PMFBP1: variants seen among roughly 807,000 people sequenced by gnomAD.
PMFBP1 encodes polyamine-modulated factor 1-binding protein 1.
A neutral mutation model predicts 137.8 loss-of-function variants in PMFBP1; 131 were observed. The ratio of observed to expected loss-of-function variants is 0.95; its 90% CI spans 0.82 to 1.10. The LOEUF (loss-of-function observed/expected upper bound fraction) is 1.10. Ranked by LOEUF, PMFBP1 falls within the 50% of genes least tolerant of loss-of-function variation. The pLI is 0.00. For synonymous variants in PMFBP1, 490 were observed against 450.4 expected (o/e 1.09, Z -1.11); for missense variants, 1,199 against 1,175.4 (o/e 1.02, Z -0.29).
the PMFBP1 span, among the ~76,000 whole-genome samples, chr16:72,205,660 G>A: frequency 6.6e-6 from 1 of 152,182 alleles, no homozygotes; most frequent in Non-Finnish European, 1.5e-5. Context: ...TGGTCACCTG[G>A]CTGCAGAGTG....
chr16:72,141,441 T>C (rs1459938858), intron 5 of PMFBP1, among the ~76,000 whole-genome samples: 1 of 152,232 alleles, frequency 6.6e-6, no homozygotes, highest in African/African-American at 2.4e-5. Flanking sequence ...GACCGTCACT[T>C]CTAATTTCAT....
chr16:72,119,401 A>G, intron 20 of PMFBP1, 47 bp from the exon 21 acceptor site: 1 of 1,614,136 alleles, frequency 6.2e-7, no homozygotes, highest in East Asian at 2.2e-5. Context: ...AGGAGAAATT[A>G]ACGAGGTGAT....
At chr16:72,169,746 T>C (rs1007246670) in intron 2 of PMFBP1, among the ~76,000 whole-genome samples, 4 of 152,270 alleles carry the variant, frequency 2.6e-5, no homozygotes, top group African/African-American at 9.6e-5. Flanking sequence ...ATCAGCTGTG[T>C]ATTCAAGCAC....
At chr16:72,155,127 C>T (rs566479546) in intron 3 of PMFBP1, among the ~76,000 whole-genome samples, 4 of 152,112 alleles carry the variant, frequency 2.6e-5, no homozygotes, top group African/African-American at 9.7e-5. Context: ...TTCATTCATT[C>T]ATTCACTCAA....
intron 1 of PMFBP1, 112 bp downstream of exon 1, chr16:72,171,942 A>G (rs2043226083): frequency 6.6e-6 from 1 of 152,252 alleles, no homozygotes; most frequent in Non-Finnish European, 1.5e-5. Flanking sequence ...ATGTATGTGC[A>G]TGTAAGTACA....
the PMFBP1 span, among the ~76,000 whole-genome samples, chr16:72,188,786 C>T: frequency 6.6e-6 from 1 of 152,176 alleles, no homozygotes; most frequent in Admixed American, 6.6e-5. Context: ...AAAATACTTC[C>T]CAAGGAAATT....
intron 8 of PMFBP1, 33 bp downstream of exon 8, chr16:72,136,660 G>C: frequency 6.2e-7 from 1 of 1,613,916 alleles, no homozygotes; most frequent in Non-Finnish European, 8.5e-7. Context: ...CTTCCTTCTG[G>C]CTCCCCTGCC....
chr16:72,227,361 A>C, the PMFBP1 span, among the ~76,000 whole-genome samples: 1 of 152,184 alleles, frequency 6.6e-6, no homozygotes, highest in Non-Finnish European at 1.5e-5. Flanking sequence ...TCCTTTTTAT[A>C]ACTTTTTGTT....
upstream of PMFBP1, among the ~76,000 whole-genome samples, chr16:72,175,962 G>A (rs2043258147): frequency 6.6e-6 from 1 of 152,198 alleles, no homozygotes; most frequent in Non-Finnish European, 1.5e-5. Context: ...GCAGAGGCTT[G>A]GCATGCAGAG....
At position 72,140,449 on chromosome 16, in the gene PMFBP1, T is replaced by A. The variant is rs748769314; in HGVS notation, c.770A>T (p.Gln257Leu). ...GCAGGCCAGCTTATTTCGAAGTTCT[T>A]GAATGAGATCATCCTGTTGAGAGAC... Reference protein sequence around the residue: ...QKVSQQDDLIQELRNKLACSN... With the variant: ...QKVSQQDDLILELRNKLACSN... The change falls in exon 6 of 21, where the codon CAA becomes CTA. Residue 257 changes from glutamine to leucine, a missense_variant. Physicochemically the swap from Gln to Leu is moderately radical, Grantham distance 113. Transcript: ENST00000237353. 2.5e-6 allele frequency: 4 copies of A among 1,614,102 alleles called. No individual in the cohort carries two copies. The highest frequency in any genetic ancestry group is 3.4e-6 in the Non-Finnish European group (4 of 1,179,942).
the PMFBP1 span, among the ~76,000 whole-genome samples, chr16:72,228,921 C>T: frequency 6.7e-6 from 1 of 150,234 alleles, no homozygotes; most frequent in East Asian, 2.0e-4. Context: ...AACTGGGTGG[C>T]ATGGGGCTTT....
intron 9 of PMFBP1, 54 bp from the exon 10 acceptor site, chr16:72,133,045 G>A (rs970543195): frequency 6.3e-7 from 1 of 1,590,198 alleles, no homozygotes; most frequent in Non-Finnish European, 8.6e-7. Context: ...AGTGGGTGAA[G>A]GCAATGAGAG....
the PMFBP1 span, among the ~76,000 whole-genome samples, chr16:72,193,870 C>T: frequency 5.4e-4 from 82 of 152,244 alleles, no homozygotes; most frequent in East Asian, 0.014. Flanking sequence ...GCTAACCACA[C>T]CTCCCCAAGT....
rs771313511 is a variant in PMFBP1 at position 72,128,767 on chromosome 16, C to T, written c.1978G>A (p.Glu660Lys). 1.9e-6 allele frequency: 3 copies of T among 1,614,156 alleles called. No homozygotes were observed. The highest frequency in any genetic ancestry group is 1.1e-5 in the South Asian group (1 of 91,074). Residue 660 changes from glutamate (E) to lysine (K), a missense_variant, in exon 14 of 21, where the codon GAA becomes AAA. Physicochemically the swap from Glu to Lys is moderately conservative, Grantham distance 56. Transcript: ENST00000237353. ...TCTGCTCGGAGATTCTCATTTTCTT[C>T]CTCCAACTTTCTGGAATTCTCTTTC... Reference protein sequence around the residue: ...TLKENSRKLEEENENLRAELQ... With the variant: ...TLKENSRKLEKENENLRAELQ...
At chr16:72,159,532 A>G (rs1160533543) in intron 3 of PMFBP1, among the ~76,000 whole-genome samples, 1 of 152,348 alleles carries the variant, frequency 6.6e-6, no homozygotes, top group African/African-American at 2.4e-5. Flanking sequence ...GACTGCTTCT[A>G]TCTGCAGAGA....
At chr16:72,166,504 T>C (rs759404379) in intron 2 of PMFBP1, among the ~76,000 whole-genome samples, 33 of 152,142 alleles carry the variant, frequency 2.2e-4, no homozygotes, top group Non-Finnish European at 4.4e-4. Context: ...ACAGTACCTA[T>C]CTCTTAGGTT....
intron 12 of PMFBP1, 55 bp from the exon 13 acceptor site, chr16:72,129,288 G>A: frequency 6.4e-7 from 1 of 1,560,958 alleles, no homozygotes; most frequent in Non-Finnish European, 8.6e-7. Context: ...TATATTTGGG[G>A]GAAAAATACA....
chr16:72,185,795 G>A, the PMFBP1 span, among the ~76,000 whole-genome samples: 1 of 152,174 alleles, frequency 6.6e-6, no homozygotes, highest in Non-Finnish European at 1.5e-5. Flanking sequence ...TAACTAATTT[G>A]CAGTAAGAGA....
At chr16:72,158,482 G>A (rs905633533) in intron 3 of PMFBP1, among the ~76,000 whole-genome samples, 2 of 152,096 alleles carry the variant, frequency 1.3e-5, no homozygotes, top group African/African-American at 4.8e-5. Context: ...CGTGTGTGGT[G>A]TGCTCATGTA....
Sources: gnomAD v4.1 joint callset for allele counts (sites outside exome capture counted in the v4.1 genomes callset) on GRCh38, gnomAD v4.1.1 for gene constraint, MANE v1.5 for transcripts, NCBI Gene and HGNC (gene_info 2026-07-23, HGNC 2026-07-21) for gene names.